KCNH1: variants seen among roughly 807,000 people sequenced by gnomAD.
The protein encoded by KCNH1 is voltage-gated delayed rectifier potassium channel KCNH1.
Under a neutral mutation model 69.2 loss-of-function variants are expected in KCNH1, and 27 were observed. The ratio of observed to expected loss-of-function variants is 0.39; its 90% CI spans 0.29 to 0.54. The LOEUF is 0.54. Ranked by LOEUF, KCNH1 falls within the 20% of genes least tolerant of loss-of-function variation. The probability of loss-of-function intolerance (pLI) is 0.68; values close to 1 mark genes in which losing one functional copy is unlikely to be tolerated. For synonymous variants in KCNH1, 456 were observed against 487.7 expected (o/e 0.93, Z 0.86); for missense variants, 798 against 1,261.6 (o/e 0.63, Z 5.57).
chr1:210,919,213 A>G lies in KCNH1; in HGVS notation c.1462+427T>C, dbSNP rs1687409557. 6.4e-6 allele frequency: 1 copy of G among 156,808 alleles called. No homozygotes were observed. Among genetic ancestry groups the G allele is most frequent in the South Asian group, 1.9e-4 (1 of 5,286 alleles). The allele number at this position is 156,808 out of a possible 1,614,324, so 9.7% of individuals were successfully genotyped here. A position where few individuals can be genotyped will look rare whatever the true frequency, so the allele number is the denominator to read the frequency against. ...AAATCTCATTTCATACTTTAAATAT[A>G]TACAATTTTTATTAAAAAGAAAAAA... On this transcript the variant is annotated intron_variant, in intron 7 of 10. Coordinates refer to ENST00000271751, the MANE Select transcript of KCNH1 (RefSeq NM_172362.3). The surrounding 1 kb of genome is among the most constrained non-coding windows in gnomAD (Gnocchi z 4.2).
intron 7 of KCNH1, among the ~76,000 whole-genome samples, chr1:210,887,448 T>C (rs1225022588): frequency 2.6e-5 from 4 of 151,996 alleles, no homozygotes; most frequent in Non-Finnish European, 5.9e-5. Context: ...ACATACTAAA[T>C]TGTAAGGACC....
In KCNH1 at chr1:211,133,822, A is replaced by G; in HGVS notation, c.79+45T>C. ...CGGCGAGAGGTTCTGCAATAAAGGC[A>G]CGGATAAAACGCCCGGGTAATCGAA... On this transcript the variant is annotated intron_variant, in intron 1 of 10. Coordinates refer to ENST00000271751, the MANE Select transcript of KCNH1 (RefSeq NM_172362.3). This position sits in a 1 kb window ranked among gnomAD's most constrained non-coding sequence, Gnocchi z 5.4. 4.5e-6 allele frequency: 7 copies of G among 1,554,068 alleles called. No homozygotes were observed. Among genetic ancestry groups the G allele is most frequent in the Non-Finnish European group, 6.2e-6 (7 of 1,130,656 alleles).
intron 6 of KCNH1, among the ~76,000 whole-genome samples, chr1:211,013,524 A>G (rs1206385580): frequency 6.6e-6 from 1 of 152,204 alleles, no homozygotes; most frequent in Non-Finnish European, 1.5e-5. Context: ...ACTGAAATGC[A>G]TAGTTTGGTT....
intron 7 of KCNH1, among the ~76,000 whole-genome samples, chr1:210,825,639 G>A (rs895432405): frequency 3.9e-5 from 6 of 152,150 alleles, no homozygotes; most frequent in African/African-American, 7.2e-5. Flanking sequence ...CTTTGAGAAC[G>A]GTTGCCCTGC....
intron 1 of KCNH1, among the ~76,000 whole-genome samples, chr1:211,113,242 G>T (rs563281355): frequency 6.6e-6 from 1 of 152,194 alleles, no homozygotes; most frequent in Non-Finnish European, 1.5e-5. Context: ...TTGAACCTAG[G>T]TCTATGTGAC....
chr1:210,748,853 C>T (rs1683220971), intron 10 of KCNH1, among the ~76,000 whole-genome samples: 1 of 152,206 alleles, frequency 6.6e-6, no homozygotes, highest in African/African-American at 2.4e-5. Flanking sequence ...TCCCACTCCC[C>T]AGATTTATTC....
intron 6 of KCNH1, among the ~76,000 whole-genome samples, chr1:210,922,083 TA>T (rs879640539): frequency 6.8e-5 from 10 of 147,600 alleles, no homozygotes; most frequent in Admixed American, 1.4e-4. Context: ...TATTGCCCTT[TA>T]AAAAAAAAAC....
intron 10 of KCNH1, among the ~76,000 whole-genome samples, chr1:210,729,857 C>T (rs1188071970): frequency 6.6e-6 from 1 of 152,130 alleles, no homozygotes; most frequent in African/African-American, 2.4e-5. Flanking sequence ...AACACAAGAG[C>T]CATGTAATGC....
chr1:210,944,488 G>A (rs966128162), intron 6 of KCNH1, among the ~76,000 whole-genome samples: 2 of 152,194 alleles, frequency 1.3e-5, no homozygotes, highest in African/African-American at 2.4e-5. Context: ...TAAATGGAGA[G>A]CTCAAGACAT....
chr1:211,112,508 A>T (rs530608602), intron 1 of KCNH1, among the ~76,000 whole-genome samples: 1 of 150,232 alleles, frequency 6.7e-6, no homozygotes, highest in Non-Finnish European at 1.5e-5. Context: ...AAATAAAAAA[A>T]AAAAAAAAAA....
chr1:210,729,839 T>C (rs1384607287), intron 10 of KCNH1, among the ~76,000 whole-genome samples: 1 of 152,208 alleles, frequency 6.6e-6, no homozygotes, highest in Non-Finnish European at 1.5e-5. Context: ...AAGTGCAGGG[T>C]TTAAGTCAAC....
intron 7 of KCNH1, among the ~76,000 whole-genome samples, chr1:210,821,826 T>G (rs1684935647): frequency 6.6e-6 from 1 of 150,830 alleles, no homozygotes; most frequent in African/African-American, 2.4e-5. Flanking sequence ...ATTTATTTAT[T>G]TATTTATTTA....
chr1:210,959,894 T>A (rs1039583458), intron 6 of KCNH1, among the ~76,000 whole-genome samples: 1 of 152,240 alleles, frequency 6.6e-6, no homozygotes, highest in Non-Finnish European at 1.5e-5. Context: ...CTGCTTCAGC[T>A]CGCCCTCCAT....
chr1:210,695,953 G>A (rs1004253422), intron 10 of KCNH1, among the ~76,000 whole-genome samples: 1 of 152,196 alleles, frequency 6.6e-6, no homozygotes, highest in Non-Finnish European at 1.5e-5. Context: ...GAGGAGGAGA[G>A]AAGGGGCTTC....
intron 6 of KCNH1, among the ~76,000 whole-genome samples, chr1:210,958,208 A>G (rs1688218813): frequency 6.6e-6 from 1 of 152,080 alleles, no homozygotes; most frequent in South Asian, 2.1e-4. Flanking sequence ...CTGGGTTGAA[A>G]ATTCTTTTAA....
At chr1:210,859,077 T>C (rs1685918224) in intron 7 of KCNH1, 7 of 753,270 alleles carry the variant, frequency 9.3e-6, no homozygotes, top group South Asian at 9.2e-5. Flanking sequence ...TACTGATCAT[T>C]AGTTTAGAAT....
rs59583947 is a variant in KCNH1 at position 210,718,618 on chromosome 1, ATG to A, written c.2113-34482_2113-34481del. Reference sequence around the variant, plus strand: ...GTCTTATATAAATAAAATTATATGTATGTGTGTATAAATATATATATACATAT... The same window carrying A: ...GTCTTATATAAATAAAATTATATGTATGTGTATAAATATATATATACATAT... On this transcript the variant is annotated intron_variant, in intron 10 of 10. Coordinates refer to ENST00000271751, the MANE Select transcript of KCNH1 (RefSeq NM_172362.3). Among the ~76,000 whole-genome samples, 2 of 71,636 alleles carry A rather than the reference ATG, an allele frequency of 2.8e-5. 1 individual carries two copies. The highest frequency in any genetic ancestry group is 1.0e-4 in the African/African-American group (2 of 19,360). 47.0% of individuals were successfully genotyped at this position (71,636 alleles called of 152,430 possible). A position where few individuals can be genotyped will look rare whatever the true frequency, so the allele number is the denominator to read the frequency against.
At chr1:210,702,386 C>A (rs1681802855) in intron 10 of KCNH1, among the ~76,000 whole-genome samples, 3 of 151,802 alleles carry the variant, frequency 2.0e-5, no homozygotes, top group Admixed American at 2.0e-4. Context: ...AATTTTATTA[C>A]CTTCCTCCTC....
chr1:210,775,810 T>C (rs1470953309), intron 9 of KCNH1, among the ~76,000 whole-genome samples: 1 of 152,244 alleles, frequency 6.6e-6, no homozygotes, highest in Non-Finnish European at 1.5e-5. Flanking sequence ...ATCTTGATCA[T>C]GCTATCCAAA....
Sources: allele counts gnomAD v4.1 joint callset (sites outside exome capture counted in the v4.1 genomes callset), GRCh38; gene constraint gnomAD v4.1.1; non-coding constraint Gnocchi (gnomAD v3.1); transcripts MANE v1.5; gene names NCBI Gene and HGNC (gene_info 2026-07-23, HGNC 2026-07-21).